The following EIF3B variants were observed in gnomAD, a reference collection of about 807,000 sequenced individuals.
EIF3B encodes the protein eukaryotic translation initiation factor 3 subunit 9.
Under a neutral mutation model 104.6 loss-of-function variants are expected in EIF3B, and 10 were observed. The ratio of observed to expected loss-of-function variants is 0.10; its 90% CI spans 0.06 to 0.16. EIF3B has a LOEUF of 0.16. Among genes scored for constraint, EIF3B ranks in the 10% least tolerant of loss-of-function variants. The pLI is 1.00. For synonymous variants in EIF3B, 542 were observed against 417.2 expected, an observed-to-expected ratio of 1.30 and a Z score of -3.65; for missense variants, 1,014 against 1,087.9, an observed-to-expected ratio of 0.93 and a Z score of 0.96.
At chr7:2,371,926 G>A (rs1780363233) in intron 11 of EIF3B, 77 bp downstream of exon 11, 4 of 1,186,944 alleles carry the variant, frequency 3.4e-6, no homozygotes, top group Non-Finnish European at 5.0e-6. Flanking sequence ...ACTTCCATGC[G>A]AGGGGTTGTC....
Position 2,372,799 on chromosome 7 carries a change from A to G in EIF3B, c.1810+4A>G. ...AACGGGAAGATTGAACTCATCAGTA[A>G]GTAACCTGGTCCCTTTCCTCTTCTG... On this transcript the variant is annotated splice_donor_region_variant and intron_variant, in intron 12 of 18. Transcript: ENST00000360876. 6.2e-7 allele frequency: 1 copy of G among 1,613,712 alleles called. No individual in the cohort carries two copies. The highest frequency in any genetic ancestry group is 8.5e-7 in the Non-Finnish European group (1 of 1,179,740).
intron 1 of EIF3B, among the ~76,000 whole-genome samples, chr7:2,356,138 CTT>C (rs1464407314): frequency 2.0e-5 from 3 of 152,002 alleles, no homozygotes; most frequent in Non-Finnish European, 4.4e-5. Flanking sequence ...ATTTGTTTTT[CTT>C]TTGTTTTTTA....
At chr7:2,357,915 A>T (rs950152418) in intron 1 of EIF3B, among the ~76,000 whole-genome samples, 1 of 152,132 alleles carries the variant, frequency 6.6e-6, no homozygotes, top group South Asian at 2.1e-4. Flanking sequence ...TTGTCAGGCT[A>T]TTTAATTGTA....
At chr7:2,372,211 A>G (rs1780389535) in intron 11 of EIF3B, 1 of 245,606 alleles carries the variant, frequency 4.1e-6, no homozygotes. Context: ...GTCTAAAAAA[A>G]AGAGAAAAGA....
chr7:2,375,080 C>G (rs1422967143), intron 13 of EIF3B: 2 of 415,916 alleles, frequency 4.8e-6, no homozygotes, highest in Non-Finnish European at 8.8e-6. Flanking sequence ...TAAAAGAATA[C>G]CCTTTTGTTG....
chr7:2,371,259 C>T (rs1780325700), intron 10 of EIF3B, among the ~76,000 whole-genome samples: 1 of 152,222 alleles, frequency 6.6e-6, no homozygotes, highest in Non-Finnish European at 1.5e-5. Flanking sequence ...AGCTGGTCCA[C>T]GGTGCTGAGT....
At position 2,355,151 on chromosome 7, in the gene EIF3B, C is replaced by T. The variant is rs1184747289; in HGVS notation, c.230C>T (p.Ala77Val). 6 of 1,442,926 alleles carry T rather than the reference C, an allele frequency of 4.2e-6. No homozygotes were observed. Among genetic ancestry groups the T allele is most frequent in the East Asian group, 3.0e-5 (1 of 33,650 alleles). The allele number at this position is 1,442,926 out of a possible 1,614,324, so 89.4% of individuals were successfully genotyped here. The change falls in exon 1 of 19, where the codon GCC (alanine) becomes GTC (valine). Residue 77 changes from alanine to valine, a missense_variant. Ala to Val is a moderately conservative substitution (Grantham distance 64). This residue lies in a region of EIF3B where 488 missense variants were observed against 404.3 expected (regional missense o/e 1.21). Coordinates refer to ENST00000360876, the MANE Select transcript of EIF3B (RefSeq NM_001037283.2). Reference protein sequence around the residue: ...RTEPAAEAEAASGPSESPSPP... With the variant: ...RTEPAAEAEAVSGPSESPSPP... ...GAGCCGGCGGCCGAGGCAGAGGCGG[C>T]CTCCGGCCCGTCCGAGTCGCCCTCG...
chr7:2,379,072 C>T, intron 16 of EIF3B, 62 bp from the exon 17 acceptor site: 1 of 1,442,332 alleles, frequency 6.9e-7, no homozygotes, highest in South Asian at 1.2e-5. Flanking sequence ...TGGGTGTGGG[C>T]TCTTCGCGAT....
intron 13 of EIF3B, chr7:2,375,133 T>C (rs1255592610): frequency 2.0e-6 from 1 of 507,790 alleles, no homozygotes; most frequent in South Asian, 2.7e-5. Flanking sequence ...TACTGTATTT[T>C]TGGAGGCTTA....
intron 16 of EIF3B, 83 bp from the exon 17 acceptor site, chr7:2,379,051 C>A: frequency 1.7e-6 from 2 of 1,192,712 alleles, no homozygotes; most frequent in Non-Finnish European, 1.2e-6. Context: ...GTCCTTCTGG[C>A]ACCGTCCGCC....
intron 9 of EIF3B, 57 bp downstream of exon 9, chr7:2,367,102 CAA>C (rs60382761): frequency 0.09 from 73,787 of 815,702 alleles, 6 homozygotes; most frequent in East Asian, 0.12. Context: ...AACACAATAC[CAA>C]AAAAAAAAAA....
In EIF3B at chr7:2,376,955, C is replaced by T. The variant is rs1780665308; in HGVS notation, c.2034C>T (p.Asp678=). ...TSVSWWSHKV[D]NAYWLWTFQG... is the part of the protein sequence containing the mutation. Reference sequence around the variant, plus strand: ...GTGTCCCTGCCCTGGCCTAGGTGGACAACGCGTACTGGCTGTGGACTTTCC... The same window carrying T: ...GTGTCCCTGCCCTGGCCTAGGTGGATAACGCGTACTGGCTGTGGACTTTCC... Residue 678 remains aspartate (D), a synonymous_variant, in exon 15 of 19, where the codon GAC becomes GAT. Coordinates refer to ENST00000360876, the MANE Select transcript of EIF3B (RefSeq NM_001037283.2). The T allele has an allele frequency of 1.9e-6, 3 of 1,613,618 alleles. No individual in the cohort carries two copies. Among genetic ancestry groups the T allele is most frequent in the South Asian group, 2.2e-5 (2 of 91,020 alleles).
chr7:2,363,034 A>G (rs760692740), intron 3 of EIF3B, 36 bp from the exon 4 acceptor site: 93 of 1,611,986 alleles, frequency 5.8e-5, no homozygotes, highest in Non-Finnish European at 6.8e-5. Flanking sequence ...TCTAGTCGTC[A>G]GGGCGTGGGG....
chr7:2,359,744 G>A (rs1779634457), intron 1 of EIF3B, among the ~76,000 whole-genome samples: 2 of 152,240 alleles, frequency 1.3e-5, no homozygotes, highest in African/African-American at 4.8e-5. Flanking sequence ...CTTTGGGGCT[G>A]AGCCTTCAGC....
intron 15 of EIF3B, 96 bp from the exon 16 acceptor site, chr7:2,378,593 G>C (rs1177822980): frequency 8.5e-6 from 9 of 1,060,644 alleles, no homozygotes; most frequent in Admixed American, 1.9e-5. Flanking sequence ...TTCTGTGAAT[G>C]GCTTTGGGTG....
At position 2,369,402 on chromosome 7, in the gene EIF3B, A is replaced by C; in HGVS notation, c.1404-70A>C. The C allele has an allele frequency of 3.3e-6, 5 of 1,517,484 alleles. No homozygotes were observed. In the South Asian group the frequency reaches 5.7e-5, roughly 17 times the overall value. The allele number at this position is 1,517,484 out of a possible 1,614,324, so 94.0% of individuals were successfully genotyped here. A position where few individuals can be genotyped will look rare whatever the true frequency, so the allele number is the denominator to read the frequency against. On this transcript the variant is annotated intron_variant, in intron 9 of 18. Transcript: ENST00000360876. ...TTCTATATAGCAAATGAGTTGTTCT[A>C]TTCTCTTCTGCTTTTCAGTTTCGTC...
chr7:2,372,179 C>T, intron 11 of EIF3B: 2 of 313,154 alleles, frequency 6.4e-6, no homozygotes, highest in South Asian at 9.6e-5. Flanking sequence ...GCACTCCAGC[C>T]TGGGTGACGG....
chr7:2,356,626 A>C (rs1166519354), intron 1 of EIF3B, among the ~76,000 whole-genome samples: 1 of 149,428 alleles, frequency 6.7e-6, no homozygotes, highest in Admixed American at 6.6e-5. Flanking sequence ...AAAGAAAAAG[A>C]AAAAAAGGTT....
intron 2 of EIF3B, 103 bp from the exon 3 acceptor site, chr7:2,362,539 ATAC>A: frequency 7.1e-7 from 1 of 1,417,160 alleles, no homozygotes; most frequent in Non-Finnish European, 9.8e-7. Context: ...AGCAGCACAG[ATAC>A]TCCTGGCACC....
Sources: gnomAD v4.1 joint callset for allele counts (sites outside exome capture counted in the v4.1 genomes callset) on GRCh38, gnomAD v4.1.1 for gene constraint, gnomAD v4.1.1 regional missense constraint, MANE v1.5 for transcripts, NCBI Gene and HGNC (gene_info 2026-07-23, HGNC 2026-07-21) for gene names.